SESTD1: variants seen among roughly 807,000 people sequenced by gnomAD.
SESTD1 encodes the protein SEC14 domain and spectrin repeat-containing protein 1.
SESTD1 carries 43 observed loss-of-function variants against 101.7 expected under a neutral mutation model. The ratio of observed to expected loss-of-function variants is 0.42; its 90% CI spans 0.33 to 0.55. The LOEUF is 0.55. Ranked by LOEUF, SESTD1 falls within the 20% of genes least tolerant of loss-of-function variation. SESTD1 has a pLI of 0.07. For missense variants in SESTD1, 647 were observed against 815.1 expected (o/e 0.79, Z 2.51); for synonymous variants, 283 against 286.8 (o/e 0.99, Z 0.13).
chr2:179,244,657 G>GA lies in SESTD1; in HGVS notation c.-26+19841dup, dbSNP rs551851433. Among the ~76,000 whole-genome samples the GA allele has an allele frequency of 3.7e-4, 57 of 152,124 alleles. 1 individual carries two copies. In the East Asian group the frequency reaches 9.1e-3, roughly 24 times the overall value. ...TTTTTCCAACATACATACCTCAAAA[G>GA]AATGGCTAAAAGAAATTTTCTAAAT... is the stretch of plus-strand genomic sequence containing the variant. On this transcript the variant is annotated intron_variant, in intron 1 of 17. Transcript: ENST00000428443.
Position 179,115,225 on chromosome 2 carries a change from T to A in SESTD1, c.1679A>T (p.Gln560Leu). 1 of 1,602,524 alleles carries A rather than the reference T, an allele frequency of 6.2e-7. No homozygotes were observed. The highest frequency in any genetic ancestry group is 1.1e-5 in the South Asian group (1 of 88,064). ...AGATTGGCATAACACAACTGTGGCC[T>A]GTAGCAACTGCCTGCCATAGTCATA... Reference protein sequence around the residue: ...STYDYGRQLLQATVVLCQSLR... With the variant: ...STYDYGRQLLLATVVLCQSLR... Residue 560 changes from glutamine to leucine, a missense_variant, in exon 16 of 18, where the codon CAG becomes CTG. By Grantham distance (113) the Gln-to-Leu change is moderately radical (BLOSUM62 -2). Coordinates refer to ENST00000428443, the MANE Select transcript of SESTD1 (RefSeq NM_178123.5).
chr2:179,259,248 T>C (rs911152135), intron 1 of SESTD1, among the ~76,000 whole-genome samples: 19 of 152,170 alleles, frequency 1.2e-4, no homozygotes, highest in Admixed American at 4.6e-4. Flanking sequence ...TTGTTTGTTT[T>C]TGAGACAGAG....
chr2:179,152,527 CT>C (rs1051296647), intron 5 of SESTD1, among the ~76,000 whole-genome samples: 61 of 152,192 alleles, frequency 4.0e-4, no homozygotes, highest in African/African-American at 1.3e-3. Flanking sequence ...TTAAGGAGGA[CT>C]TGTGGAAGAA....
chr2:179,235,571 T>C (rs1017273488), intron 1 of SESTD1, among the ~76,000 whole-genome samples: 1 of 152,200 alleles, frequency 6.6e-6, no homozygotes, highest in Non-Finnish European at 1.5e-5. Flanking sequence ...CAAGTTATTC[T>C]TTTCCTGTAC....
intron 13 of SESTD1, among the ~76,000 whole-genome samples, chr2:179,120,455 T>C (rs1237980313): frequency 6.6e-6 from 1 of 151,984 alleles, no homozygotes; most frequent in Admixed American, 6.5e-5. Flanking sequence ...GGAGAATATA[T>C]AAAGAAGGGA....
chr2:179,248,834 A>T (rs2047270792), intron 1 of SESTD1, among the ~76,000 whole-genome samples: 1 of 151,908 alleles, frequency 6.6e-6, no homozygotes, highest in African/African-American at 2.4e-5. Context: ...TAATCTCAGC[A>T]CTTTGGGAGG....
At chr2:179,156,903 A>G (rs1298077668) in intron 5 of SESTD1, among the ~76,000 whole-genome samples, 1 of 152,152 alleles carries the variant, frequency 6.6e-6, no homozygotes, top group African/African-American at 2.4e-5. Context: ...GCCTAAGCCA[A>G]TGTCTAAAAG....
intron 1 of SESTD1, among the ~76,000 whole-genome samples, chr2:179,226,385 G>C (rs2046886179): frequency 6.6e-6 from 1 of 152,204 alleles, no homozygotes; most frequent in Admixed American, 6.5e-5. Context: ...CTGCCACTCT[G>C]TTGGCAATGG....
At chr2:179,126,787 C>G (rs1200484945) in intron 10 of SESTD1, among the ~76,000 whole-genome samples, 1 of 152,066 alleles carries the variant, frequency 6.6e-6, no homozygotes, top group Admixed American at 6.6e-5. Context: ...GACACTGATT[C>G]ACTATCCTCC....
At chr2:179,119,294 A>G (rs2154393904) in intron 13 of SESTD1, among the ~76,000 whole-genome samples, 1 of 152,348 alleles carries the variant, frequency 6.6e-6, no homozygotes, top group Admixed American at 6.5e-5. Flanking sequence ...CATTTGATTA[A>G]GCTATAAGGG....
chr2:179,125,426 T>G (rs889279020), intron 10 of SESTD1, among the ~76,000 whole-genome samples: 1 of 152,180 alleles, frequency 6.6e-6, no homozygotes, highest in Admixed American at 6.5e-5. Context: ...GAATGACCTG[T>G]TGAAACCTGA....
intron 5 of SESTD1, among the ~76,000 whole-genome samples, chr2:179,167,161 G>C (rs965657002): frequency 3.3e-5 from 5 of 152,078 alleles, no homozygotes; most frequent in African/African-American, 1.2e-4. Context: ...TAACATGCAA[G>C]GACAGACGAG....
intron 5 of SESTD1, among the ~76,000 whole-genome samples, chr2:179,161,727 T>C (rs183307559): frequency 7.2e-4 from 109 of 152,250 alleles, no homozygotes; most frequent in Non-Finnish European, 1.4e-3. Flanking sequence ...TGACCTGATA[T>C]TTGAAATTTT....
At chr2:179,252,891 C>T (rs2047338384) in intron 1 of SESTD1, among the ~76,000 whole-genome samples, 1 of 152,052 alleles carries the variant, frequency 6.6e-6, no homozygotes, top group South Asian at 2.1e-4. Context: ...GGTTTGATAC[C>T]CCTTTCTTTC....
Position 179,247,174 on chromosome 2 carries a change from T to C in SESTD1, c.-26+17325A>G, listed in dbSNP as rs142412174. On this transcript the variant is annotated intron_variant, in intron 1 of 17. Coordinates refer to ENST00000428443, the MANE Select transcript of SESTD1 (RefSeq NM_178123.5). ...CAAATAATTGTACATATTCACGTAG[T>C]ACATAGTAATGTTTTGATATATAAT... Among the ~76,000 whole-genome samples the C allele has an allele frequency of 5.6e-3, 853 of 152,136 alleles. 9 individuals carry two copies. The highest frequency in any genetic ancestry group is 0.019 in the African/African-American group (808 of 41,534).
intron 1 of SESTD1, among the ~76,000 whole-genome samples, chr2:179,241,415 C>G (rs1000463645): frequency 6.6e-6 from 1 of 151,962 alleles, no homozygotes; most frequent in Non-Finnish European, 1.5e-5. Flanking sequence ...CAAGTTACAC[C>G]CTAATTAAAC....
At chr2:179,197,645 G>A (rs1165244046) in intron 1 of SESTD1, among the ~76,000 whole-genome samples, 1 of 152,188 alleles carries the variant, frequency 6.6e-6, no homozygotes, top group East Asian at 1.9e-4. Flanking sequence ...AGAGAGTGGG[G>A]GCCAATATTC....
chr2:179,191,868 T>C lies in SESTD1; in HGVS notation c.-25-2A>G. ...TTACTCCAGTGAACTTCCTTAATTC[T>C]GAAAACACAGAAAGTCAAATGTCAA... On this transcript the variant is annotated splice_acceptor_variant, in intron 1 of 17. Coordinates refer to ENST00000428443, the MANE Select transcript of SESTD1 (RefSeq NM_178123.5). LOFTEE classifies it low-confidence loss of function (5UTR_SPLICE). 4 of 1,578,912 alleles carry C rather than the reference T, an allele frequency of 2.5e-6. No homozygotes were observed. The highest frequency in any genetic ancestry group is 3.5e-6 in the Non-Finnish European group (4 of 1,152,802).
intron 2 of SESTD1, among the ~76,000 whole-genome samples, chr2:179,189,918 G>A (rs140712186): frequency 6.6e-6 from 1 of 151,876 alleles, no homozygotes; most frequent in Non-Finnish European, 1.5e-5. Flanking sequence ...AATAACAGAA[G>A]ACATAAAGTA....
Sources: gnomAD v4.1 joint callset for allele counts (sites outside exome capture counted in the v4.1 genomes callset) on GRCh38, gnomAD v4.1.1 for gene constraint, MANE v1.5 for transcripts, NCBI Gene and HGNC (gene_info 2026-07-23, HGNC 2026-07-21) for gene names.